JPH1: variants seen among roughly 807,000 people sequenced by gnomAD.
JPH1 encodes junctophilin 1.
Under a neutral mutation model 53.6 loss-of-function variants are expected in JPH1, and 12 were observed. The observed-to-expected ratio is 0.22, with a 90% confidence interval of 0.14 to 0.36. The LOEUF is 0.36. JPH1 is among the 10% of genes least tolerant of loss of function. The probability of loss-of-function intolerance (pLI) is 1.00; values close to 1 mark genes in which losing one functional copy is unlikely to be tolerated. For missense variants in JPH1, 808 were observed against 905.5 expected (o/e 0.89, Z 1.38); for synonymous variants, 375 against 363.8 (o/e 1.03, Z -0.35).
intron 2 of JPH1, among the ~76,000 whole-genome samples, chr8:74,284,920 G>T (rs1359890634): frequency 1.3e-5 from 2 of 151,824 alleles, no homozygotes; most frequent in African/African-American, 4.8e-5. Flanking sequence ...TGCCTCACGG[G>T]TTCAAGTGAT....
At chr8:74,271,598 C>T (rs564517131) in intron 2 of JPH1, among the ~76,000 whole-genome samples, 1 of 152,310 alleles carries the variant, frequency 6.6e-6, no homozygotes, top group East Asian at 1.9e-4. Flanking sequence ...GCAGAGAACC[C>T]TGTAGCCATG....
intron 2 of JPH1, among the ~76,000 whole-genome samples, chr8:74,296,019 GACAC>G (rs59881666): frequency 5.9e-5 from 8 of 136,586 alleles, no homozygotes; most frequent in East Asian, 2.1e-4. Context: ...TCTCAGTAAG[GACAC>G]ACACACACAC....
chr8:74,275,362 G>A (rs753543150), intron 2 of JPH1, among the ~76,000 whole-genome samples: 88 of 152,190 alleles, frequency 5.8e-4, no homozygotes, highest in Admixed American at 1.1e-3. Flanking sequence ...ATATAATTAC[G>A]CTTTGAATAT....
intron 2 of JPH1, among the ~76,000 whole-genome samples, chr8:74,270,709 G>A (rs1259367116): frequency 6.6e-6 from 1 of 152,128 alleles, no homozygotes; most frequent in African/African-American, 2.4e-5. Flanking sequence ...TTAAACCTTG[G>A]CTCAAATAAC....
chr8:74,249,118 A>G (rs949693562), intron 3 of JPH1, among the ~76,000 whole-genome samples: 6 of 152,180 alleles, frequency 3.9e-5, no homozygotes, highest in Non-Finnish European at 8.8e-5. Context: ...GTTGGCACGA[A>G]GGCTCTGAAC....
At chr8:74,248,592 A>G (rs1805935484) in intron 3 of JPH1, among the ~76,000 whole-genome samples, 1 of 152,228 alleles carries the variant, frequency 6.6e-6, no homozygotes, top group Admixed American at 6.5e-5. Context: ...CCAGCCTTAC[A>G]TGACTACATC....
chr8:74,238,094 A>G (rs943705132), intron 4 of JPH1, among the ~76,000 whole-genome samples: 1 of 152,184 alleles, frequency 6.6e-6, no homozygotes, highest in African/African-American at 2.4e-5. Flanking sequence ...TTACAAAGAC[A>G]TGATTGTGGT....
At chr8:74,258,588 G>C (rs1353742501) in intron 3 of JPH1, among the ~76,000 whole-genome samples, 3 of 152,030 alleles carry the variant, frequency 2.0e-5, no homozygotes, top group Admixed American at 2.0e-4. Flanking sequence ...ATCTCTTTAA[G>C]TGGTATGCTG....
rs201993821 is a variant in JPH1, at chr8:74,315,055, T to A, written c.945A>T (p.Gly315=). 1.9e-6 allele frequency: 3 copies of A among 1,614,240 alleles called. No individual in the cohort carries two copies. Among genetic ancestry groups the A allele is most frequent in the Middle Eastern group, 1.6e-4 (1 of 6,062 alleles). ...CGTCAGGAAACACGGTACAGCCATA[T>A]CCATGCCTCTTGTTATTTGCCCACT... ...EGEWANNKRH[G]YGCTVFPDGS... The change falls in exon 2 of 6, where the codon GGA becomes GGT. Residue 315 remains glycine, a synonymous_variant. Transcript: ENST00000342232. The surrounding 1 kb of genome is among the most constrained non-coding windows in gnomAD (Gnocchi z 6.3).
At chr8:74,313,054 T>A (rs1808041680) in intron 2 of JPH1, among the ~76,000 whole-genome samples, 1 of 152,204 alleles carries the variant, frequency 6.6e-6, no homozygotes, top group Admixed American at 6.5e-5. Flanking sequence ...TGCCAGTCGC[T>A]TTCTGTTATA....
intron 3 of JPH1, among the ~76,000 whole-genome samples, chr8:74,250,172 T>C (rs1401162905): frequency 1.3e-5 from 2 of 151,736 alleles, no homozygotes; most frequent in African/African-American, 4.9e-5. Flanking sequence ...TCTTGCTCTG[T>C]CACCCAGGCT....
At chr8:74,290,950 C>T (rs554754909) in intron 2 of JPH1, among the ~76,000 whole-genome samples, 1 of 152,308 alleles carries the variant, frequency 6.6e-6, no homozygotes, top group South Asian at 2.1e-4. Flanking sequence ...GAAACTGGAT[C>T]CCGTCCTTAC....
chr8:74,250,652 G>A (rs1407089799), intron 3 of JPH1, among the ~76,000 whole-genome samples: 2 of 152,184 alleles, frequency 1.3e-5, no homozygotes, highest in African/African-American at 4.8e-5. Context: ...TATCATTAGT[G>A]TTAGTGCATT....
chr8:74,306,975 G>GAC (rs1807855377), intron 2 of JPH1, among the ~76,000 whole-genome samples: 1 of 128,830 alleles, frequency 7.8e-6, no homozygotes, highest in Non-Finnish European at 1.7e-5. Flanking sequence ...GGCATAACTT[G>GAC]ATATTTCCTT....
At chr8:74,317,395 T>C (rs1237259662) in intron 1 of JPH1, among the ~76,000 whole-genome samples, 1 of 152,210 alleles carries the variant, frequency 6.6e-6, no homozygotes, top group East Asian at 1.9e-4. Context: ...CAGTTTTCTC[T>C]GAAAGATTAA....
At position 74,321,001 on chromosome 8, in the gene JPH1, AC is replaced by A; in HGVS notation, c.286del (p.Val96SerfsTer59). On this transcript the variant is annotated frameshift_variant, in exon 1 of 6. Coordinates refer to ENST00000342232, the MANE Select transcript of JPH1 (RefSeq NM_020647.4). LOFTEE classifies it high-confidence loss of function. The surrounding 1 kb of genome is among the most constrained non-coding windows in gnomAD (Gnocchi z 4.3). ...WSHGFKGRYGVRQSLCTPARY... is the reference protein window; with the variant it reads ...WSHGFKGRYGXRQSLCTPARY... ...AGCGGGGGTGCACAGGCTCTGCCGG[AC>A]CCCGTAGCGCCCCTTGAAACCATGT... 6.2e-7 allele frequency: 1 copy of A among 1,612,564 alleles called. No homozygotes were observed. Among genetic ancestry groups the A allele is most frequent in the Non-Finnish European group, 8.5e-7 (1 of 1,179,438 alleles).
rs546070815 is a variant in JPH1, at chr8:74,287,633, T to C, written c.1139+27228A>G. 4.6e-5 allele frequency among the ~76,000 whole-genome samples: 7 copies of C among 151,986 alleles called. No homozygotes were observed. The South Asian group carries it at 1.4e-3, about 31-fold the overall frequency. On this transcript the variant is annotated intron_variant, in intron 2 of 5. Coordinates refer to ENST00000342232, the MANE Select transcript of JPH1 (RefSeq NM_020647.4). ...TTTTGAGAAGGTCACTAAATTGCAT[T>C]AGTTTGCACATACAATTTAACAATT...
chr8:74,290,694 C>T (rs771668354), intron 2 of JPH1, among the ~76,000 whole-genome samples: 7 of 152,158 alleles, frequency 4.6e-5, no homozygotes, highest in Non-Finnish European at 8.8e-5. Context: ...ACCAAAAGAA[C>T]AAAGCTGGAG....
intron 2 of JPH1, among the ~76,000 whole-genome samples, chr8:74,307,798 A>G (rs1484651066): frequency 6.6e-6 from 1 of 152,264 alleles, no homozygotes; most frequent in Non-Finnish European, 1.5e-5. Flanking sequence ...GATAGCTTAT[A>G]AACAGCTTTG....
Sources: allele counts gnomAD v4.1 joint callset (sites outside exome capture counted in the v4.1 genomes callset), GRCh38; gene constraint gnomAD v4.1.1; non-coding constraint Gnocchi (gnomAD v3.1); transcripts MANE v1.5; gene names NCBI Gene and HGNC (gene_info 2026-07-23, HGNC 2026-07-21).